The following LINGO2 variants were observed in gnomAD, a reference collection of about 807,000 sequenced individuals.
The protein encoded by LINGO2 is leucine-rich repeat and immunoglobulin-like domain-containing nogo receptor-interacting protein 2.
In LINGO2, 14 loss-of-function variants were observed where a neutral mutation model predicts 30.6. The observed-to-expected ratio is 0.46, with a 90% CI of 0.30 to 0.72. The LOEUF is 0.72. Ranked by LOEUF, LINGO2 falls within the 30% of genes least tolerant of loss-of-function variation. The pLI is 0.07. For missense variants in LINGO2, 729 were observed against 751.7 expected, an observed-to-expected ratio of 0.97 and a Z score of 0.35; for synonymous variants, 317 against 288.5, an observed-to-expected ratio of 1.10 and a Z score of -1.00.
chr9:28,555,906 C>G (rs1245567258), intron 1 of LINGO2, among the ~76,000 whole-genome samples: 1 of 152,052 alleles, frequency 6.6e-6, no homozygotes. Flanking sequence ...CCACGATTAT[C>G]TCAATAGATG....
chr9:28,525,068 T>TAA (rs1459637982), intron 1 of LINGO2, among the ~76,000 whole-genome samples: 1 of 152,060 alleles, frequency 6.6e-6, no homozygotes, highest in African/African-American at 2.4e-5. Context: ...GGTATTTATC[T>TAA]AAAAAATATA....
chr9:28,640,711 C>G (rs922783330), intron 1 of LINGO2, among the ~76,000 whole-genome samples: 3 of 152,014 alleles, frequency 2.0e-5, no homozygotes, highest in African/African-American at 7.2e-5. Context: ...ATTGGTTATT[C>G]TAGTTAGCGA....
At chr9:28,695,936 C>A in the LINGO2 span, among the ~76,000 whole-genome samples, 1 of 151,804 alleles carries the variant, frequency 6.6e-6, no homozygotes, top group Admixed American at 6.6e-5. Flanking sequence ...AATGGATGTA[C>A]GCTCTTTACA....
At chr9:28,935,986 G>C in the LINGO2 span, among the ~76,000 whole-genome samples, 2 of 152,152 alleles carry the variant, frequency 1.3e-5, no homozygotes, top group East Asian at 1.9e-4. Flanking sequence ...GAGAAAATGA[G>C]TATTTTGTTC....
At position 28,130,902 on chromosome 9, in the gene LINGO2, G is replaced by C. The variant is rs1007809232; in HGVS notation, c.-86-118497C>G. Among the ~76,000 whole-genome samples, 1 of 152,028 alleles carries C rather than the reference G, an allele frequency of 6.6e-6. No individual in the cohort carries two copies. Among genetic ancestry groups the C allele is most frequent in the Non-Finnish European group, 1.5e-5 (1 of 67,972 alleles). ...AAAATAGGGCCTCACATCTATATTT[G>C]TTTCAGTTTTCTGTCTCCAAATATA... is the stretch of plus-strand genomic sequence containing the variant. On this transcript the variant is annotated intron_variant, in intron 4 of 5. Transcript: ENST00000379992. This position sits in a 1 kb window ranked among gnomAD's most constrained non-coding sequence, Gnocchi z 5.2.
chr9:28,692,606 T>C, the LINGO2 span, among the ~76,000 whole-genome samples: 1 of 152,210 alleles, frequency 6.6e-6, no homozygotes, highest in Non-Finnish European at 1.5e-5. Flanking sequence ...TTTCCTATTT[T>C]CCTGCCTCCA....
intron 1 of LINGO2, among the ~76,000 whole-genome samples, chr9:28,557,433 A>G (rs1179880365): frequency 1.3e-5 from 2 of 152,156 alleles, no homozygotes; most frequent in Non-Finnish European, 2.9e-5. Flanking sequence ...AATGCAAATC[A>G]AAACCACAAT....
intron 1 of LINGO2, among the ~76,000 whole-genome samples, chr9:28,592,502 G>A (rs1824965950): frequency 6.6e-6 from 1 of 152,014 alleles, no homozygotes; most frequent in African/African-American, 2.4e-5. Context: ...GTGTTGTAGC[G>A]AGATGGCTGC....
the LINGO2 span, among the ~76,000 whole-genome samples, chr9:28,955,699 A>G: frequency 2.2e-4 from 34 of 152,292 alleles, 1 homozygote; most frequent in East Asian, 5.4e-3. Flanking sequence ...CAGGAGAACT[A>G]AACATATAAT....
intron 2 of LINGO2, among the ~76,000 whole-genome samples, chr9:28,444,174 A>G (rs1166207337): frequency 6.6e-6 from 1 of 152,172 alleles, no homozygotes; most frequent in Non-Finnish European, 1.5e-5. Flanking sequence ...ACACGAACTC[A>G]GGATCCACCA....
At chr9:28,014,118 T>C (rs911041248) in intron 4 of LINGO2, among the ~76,000 whole-genome samples, 1 of 152,188 alleles carries the variant, frequency 6.6e-6, no homozygotes, top group Non-Finnish European at 1.5e-5. Flanking sequence ...TCAGAAATTA[T>C]GGCAAGTTAA....
intron 5 of LINGO2, among the ~76,000 whole-genome samples, chr9:27,952,440 A>G (rs918050764): frequency 1.3e-5 from 2 of 152,016 alleles, no homozygotes; most frequent in Non-Finnish European, 2.9e-5. Context: ...TTAAGCTTGA[A>G]AAATTAATTC....
At chr9:29,066,067 G>C in the LINGO2 span, among the ~76,000 whole-genome samples, 2 of 151,850 alleles carry the variant, frequency 1.3e-5, no homozygotes, top group Admixed American at 1.3e-4. Flanking sequence ...CAGTAGAAGG[G>C]AGAGCTAAGT....
At chr9:28,295,167 G>C (rs985563245) in intron 4 of LINGO2, 41 bp downstream of exon 6, 2 of 152,464 alleles carry the variant, frequency 1.3e-5, no homozygotes, top group Non-Finnish European at 2.9e-5. Context: ...GAAGCCCTTA[G>C]AGCAAGTAAT....
chr9:28,266,053 T>C (rs887147843), intron 4 of LINGO2, among the ~76,000 whole-genome samples: 2 of 152,026 alleles, frequency 1.3e-5, no homozygotes, highest in Non-Finnish European at 2.9e-5. Context: ...TATTAGTTTT[T>C]AAAATGGATG....
chr9:28,942,492 G>A, the LINGO2 span, among the ~76,000 whole-genome samples: 1 of 152,148 alleles, frequency 6.6e-6, no homozygotes, highest in African/African-American at 2.4e-5. Context: ...AGAAGTACCT[G>A]GGTGTGAATC....
At chr9:28,596,878 C>T (rs761423476) in intron 1 of LINGO2, among the ~76,000 whole-genome samples, 1 of 152,132 alleles carries the variant, frequency 6.6e-6, no homozygotes. Flanking sequence ...ACTGAGCATG[C>T]CTGTCTTATC....
chr9:28,410,356 A>C (rs1822713491), intron 2 of LINGO2, among the ~76,000 whole-genome samples: 1 of 152,128 alleles, frequency 6.6e-6, no homozygotes, highest in Non-Finnish European at 1.5e-5. Context: ...TTTTCTGCTA[A>C]AGAATAACAA....
chr9:28,189,311 GGAAGGA>G (rs1819675115), intron 4 of LINGO2, among the ~76,000 whole-genome samples: 1 of 61,138 alleles, frequency 1.6e-5, no homozygotes, highest in Non-Finnish European at 3.5e-5. Flanking sequence ...AAGGGAGGAA[GGAAGGA>G]AGGAAGGGAG....
Sources: gnomAD v4.1 joint callset for allele counts (sites outside exome capture counted in the v4.1 genomes callset) on GRCh38, gnomAD v4.1.1 for gene constraint, Gnocchi (gnomAD v3.1) non-coding constraint, MANE v1.5 for transcripts, NCBI Gene and HGNC (gene_info 2026-07-23, HGNC 2026-07-21) for gene names.